Variants in ENOX1 observed in about 807,000 individuals in gnomAD.
ENOX1 encodes candidate growth-related and time keeping constitutive hydroquinone (NADH) oxidase.
A neutral mutation model predicts 82.5 loss-of-function variants in ENOX1; 42 were observed. That is an observed-to-expected ratio of 0.51 (90% CI 0.40 to 0.66). ENOX1 has a LOEUF of 0.66. Ranked by LOEUF, ENOX1 falls within the 30% of genes least tolerant of loss-of-function variation. ENOX1 has a pLI of 0.00. For missense variants in ENOX1, 608 were observed against 811.6 expected, an observed-to-expected ratio of 0.75 and a Z score of 3.05; for synonymous variants, 271 against 282.2, an observed-to-expected ratio of 0.96 and a Z score of 0.40.
intron 15 of ENOX1, among the ~76,000 whole-genome samples, chr13:43,233,653 C>T (rs763586271): frequency 6.0e-5 from 9 of 149,860 alleles, no homozygotes; most frequent in Non-Finnish European, 1.3e-4. Flanking sequence ...CTCCCTTTCT[C>T]TTCCAGGGAA....
At chr13:43,620,517 G>A (rs2082677967) in intron 2 of ENOX1, among the ~76,000 whole-genome samples, 1 of 152,138 alleles carries the variant, frequency 6.6e-6, no homozygotes, top group Admixed American at 6.5e-5. Context: ...TGCTCATTCA[G>A]GAGCTGGTTA....
intron 8 of ENOX1, among the ~76,000 whole-genome samples, chr13:43,352,582 A>G (rs2049878856): frequency 6.6e-6 from 1 of 152,220 alleles, no homozygotes; most frequent in African/African-American, 2.4e-5. Context: ...GCCATGCTAT[A>G]AACTTTGGGT....
intron 2 of ENOX1, among the ~76,000 whole-genome samples, chr13:43,614,278 G>A (rs1485059170): frequency 6.6e-6 from 1 of 152,182 alleles, no homozygotes; most frequent in South Asian, 2.1e-4. Context: ...GTTAGTTTCT[G>A]TTGACAGTTT....
At chr13:43,675,862 C>T (rs188694638) in intron 1 of ENOX1, among the ~76,000 whole-genome samples, 132 of 152,310 alleles carry the variant, frequency 8.7e-4, no homozygotes, top group African/African-American at 2.3e-3. Flanking sequence ...TGCTCCCTCA[C>T]CCATGCCATT....
intron 1 of ENOX1, among the ~76,000 whole-genome samples, chr13:43,748,777 G>C (rs1223315693): frequency 6.6e-6 from 1 of 152,092 alleles, no homozygotes; most frequent in African/African-American, 2.4e-5. Context: ...CAATGTTATT[G>C]TCCTATTTTA....
chr13:43,661,713 G>T (rs1450776027), intron 2 of ENOX1, among the ~76,000 whole-genome samples: 1 of 152,148 alleles, frequency 6.6e-6, no homozygotes, highest in Non-Finnish European at 1.5e-5. Context: ...CAATAAAAAT[G>T]AGGGATCTAC....
chr13:43,590,712 G>T (rs541929705), intron 2 of ENOX1, among the ~76,000 whole-genome samples: 1 of 149,662 alleles, frequency 6.7e-6, no homozygotes, highest in African/African-American at 2.5e-5. Flanking sequence ...GGAGGTGGAG[G>T]TTGCAGTGAG....
At chr13:43,473,336 T>C (rs921528470) in intron 3 of ENOX1, among the ~76,000 whole-genome samples, 1 of 152,194 alleles carries the variant, frequency 6.6e-6, no homozygotes, top group Non-Finnish European at 1.5e-5. Context: ...TACATTCTAT[T>C]CCCTTAACTT....
intron 2 of ENOX1, among the ~76,000 whole-genome samples, chr13:43,646,425 TGCTCAC>T (rs1443694722): frequency 6.6e-6 from 1 of 152,216 alleles, no homozygotes; most frequent in Non-Finnish European, 1.5e-5. Context: ...CTGTCACTTG[TGCTCAC>T]GCAGTTAGGG....
chr13:43,731,493 A>T (rs1245866986), intron 1 of ENOX1, among the ~76,000 whole-genome samples: 1 of 150,588 alleles, frequency 6.6e-6, no homozygotes, highest in Non-Finnish European at 1.5e-5. Flanking sequence ...TTCCTCAGCC[A>T]AGCTTTTTTA....
intron 2 of ENOX1, among the ~76,000 whole-genome samples, chr13:43,662,034 T>C (rs2084758521): frequency 1.3e-5 from 2 of 152,132 alleles, no homozygotes; most frequent in South Asian, 4.1e-4. Context: ...TTCCATCATG[T>C]CCTTCTCTTT....
intron 1 of ENOX1, among the ~76,000 whole-genome samples, chr13:43,740,097 G>A (rs2089828777): frequency 6.6e-6 from 1 of 152,134 alleles, no homozygotes; most frequent in Non-Finnish European, 1.5e-5. Flanking sequence ...ATTGTTGGAA[G>A]GTCAACTGAA....
Position 43,771,973 on chromosome 13 carries a change from A to T in ENOX1, c.-285+14679T>A, listed in dbSNP as rs181919867. Reference sequence around the variant, plus strand: ...TTTTTTTTTTGTATTTTTAGTAGAGATGGGGTTTCACCGTGTTAGCCAGGA... The same window carrying T: ...TTTTTTTTTTGTATTTTTAGTAGAGTTGGGGTTTCACCGTGTTAGCCAGGA... On this transcript the variant is annotated intron_variant, in intron 1 of 16. Transcript: ENST00000690772. 9.2e-3 allele frequency among the ~76,000 whole-genome samples: 1,107 copies of T among 120,844 alleles called. 8 individuals carry two copies. The highest frequency in any genetic ancestry group is 0.015 in the Non-Finnish European group (891 of 60,956). The allele number at this position is 120,844 out of a possible 152,430, so 79.3% of individuals were successfully genotyped here. A position where few individuals can be genotyped will look rare whatever the true frequency, so the allele number is the denominator to read the frequency against.
chr13:43,349,866 TATCCCTGTCCCCACGACCAATTAA>T (rs55706743), intron 8 of ENOX1, among the ~76,000 whole-genome samples: 41,803 of 152,058 alleles, frequency 0.27, 6,403 homozygotes, highest in Non-Finnish European at 0.35. Flanking sequence ...TGTGAGTCTC[TATCCCTGTCCCCACGACCAATTAA>T]ATCCCTGTCC....
intron 8 of ENOX1, 98 bp downstream of exon 8, chr13:43,355,821 T>C: frequency 8.4e-7 from 1 of 1,183,498 alleles, no homozygotes; most frequent in Non-Finnish European, 1.2e-6. Context: ...TAGCAGACAT[T>C]GTGCTGAAGG....
At chr13:43,218,534 G>T (rs2041611732) in intron 16 of ENOX1, among the ~76,000 whole-genome samples, 1 of 152,198 alleles carries the variant, frequency 6.6e-6, no homozygotes, top group Non-Finnish European at 1.5e-5. Context: ...ACTGAGGCAA[G>T]AGGATTCCTT....
At chr13:43,536,841 C>G (rs2078481776) in intron 2 of ENOX1, among the ~76,000 whole-genome samples, 1 of 152,182 alleles carries the variant, frequency 6.6e-6, no homozygotes, top group South Asian at 2.1e-4. Context: ...AATGGATGCT[C>G]TATTTGTATC....
intron 14 of ENOX1, among the ~76,000 whole-genome samples, chr13:43,261,224 C>T (rs1037881418): frequency 6.6e-6 from 1 of 152,100 alleles, no homozygotes; most frequent in South Asian, 2.1e-4. Flanking sequence ...ACTAACAGAC[C>T]ATGAGCTAGA....
chr13:43,783,683 G>A (rs1354461324), intron 1 of ENOX1, among the ~76,000 whole-genome samples: 1 of 152,110 alleles, frequency 6.6e-6, no homozygotes, highest in Admixed American at 6.5e-5. Context: ...ATTTGCTTAC[G>A]ATGTTTAATG....
Sources: gnomAD v4.1 joint callset for allele counts (sites outside exome capture counted in the v4.1 genomes callset) on GRCh38, gnomAD v4.1.1 for gene constraint, MANE v1.5 for transcripts, NCBI Gene and HGNC (gene_info 2026-07-23, HGNC 2026-07-21) for gene names.